The following HDAC4 variants were observed in gnomAD, a reference collection of about 807,000 sequenced individuals.
HDAC4 encodes the protein histone deacetylase A.
HDAC4 carries 16 observed loss-of-function variants against 135.1 expected under a neutral mutation model. The observed-to-expected ratio is 0.12, with a 90% CI of 0.08 to 0.18. The LOEUF (loss-of-function observed/expected upper bound fraction) is 0.18. Among genes scored for constraint, HDAC4 ranks in the 10% least tolerant of loss-of-function variants. The probability of loss-of-function intolerance (pLI) is 1.00; values close to 1 mark genes in which losing one functional copy is unlikely to be tolerated. For missense variants in HDAC4, 1,143 were observed against 1,511.8 expected, an observed-to-expected ratio of 0.76 and a Z score of 4.05; for synonymous variants, 685 against 653.4, an observed-to-expected ratio of 1.05 and a Z score of -0.74.
chr2:239,175,494 C>G (rs958531527), intron 5 of HDAC4, among the ~76,000 whole-genome samples: 2 of 152,218 alleles, frequency 1.3e-5, no homozygotes, highest in African/African-American at 4.8e-5. Context: ...AAGTGGGAAA[C>G]AGCAAATACA....
At chr2:239,067,105 C>A (rs888666315) in intron 23 of HDAC4, 10 of 562,076 alleles carry the variant, frequency 1.8e-5, no homozygotes, top group Admixed American at 3.1e-5. Context: ...CTTTAGGGGA[C>A]GAGGGCAGCC....
chr2:239,333,115 A>T (rs1691696615), intron 2 of HDAC4, among the ~76,000 whole-genome samples: 5 of 152,214 alleles, frequency 3.3e-5, no homozygotes. Context: ...AATCCATCCC[A>T]ACTTAAGAAA....
Position 239,115,045 on chromosome 2 carries a change from G to C in HDAC4, c.1791+8C>G. 6.2e-7 allele frequency: 1 copy of C among 1,609,106 alleles called. No homozygotes were observed. On this transcript the variant is annotated splice_region_variant and intron_variant, in intron 13 of 26. Coordinates refer to ENST00000543185, the MANE Select transcript of HDAC4 (RefSeq NM_001378414.1). This position sits in a 1 kb window ranked among gnomAD's most constrained non-coding sequence, Gnocchi z 6.3. The stretch of plus-strand genomic sequence containing the variant: ...CAGCCTTCTGGTGCCCTCCCCGCCT[G>C]CGGTCACCTGTCTGAAGAGCAGCTC...
At chr2:239,099,506 T>G (rs2037418810) in intron 16 of HDAC4, among the ~76,000 whole-genome samples, 1 of 151,980 alleles carries the variant, frequency 6.6e-6, no homozygotes, top group Non-Finnish European at 1.5e-5. Context: ...GAAGCTGAGG[T>G]GTTACATGGG....
In HDAC4 at chr2:239,163,978, C is replaced by T. The variant is rs13010577; in HGVS notation, c.491-55G>A. ...GAAGTGTGGCTCTGCCCTACAGCAG[C>T]AATGCAGGGCAGCGGGGCCACAGAG... On this transcript the variant is annotated intron_variant, in intron 5 of 26. Transcript: ENST00000543185. 0.56 allele frequency: 896,184 copies of T among 1,609,098 alleles called. 256,456 individuals carry two copies. The highest frequency in any genetic ancestry group is 0.72 in the South Asian group (65,487 of 90,842).
intron 2 of HDAC4, among the ~76,000 whole-genome samples, chr2:239,247,125 G>C (rs974332963): frequency 3.0e-4 from 46 of 152,350 alleles, no homozygotes; most frequent in African/African-American, 1.0e-3. Context: ...CTGGAGACTA[G>C]CTCTGCGGTC....
At chr2:239,234,916 C>T (rs964728083) in intron 3 of HDAC4, among the ~76,000 whole-genome samples, 7 of 152,186 alleles carry the variant, frequency 4.6e-5, no homozygotes, top group South Asian at 2.1e-4. Flanking sequence ...CCTCGTGCCA[C>T]GCCTGGTTAA....
At chr2:239,333,703 A>AT (rs1691734110) in intron 2 of HDAC4, among the ~76,000 whole-genome samples, 1 of 152,200 alleles carries the variant, frequency 6.6e-6, no homozygotes, top group Non-Finnish European at 1.5e-5. Flanking sequence ...TGAAAATACC[A>AT]TTTTTTGTAG....
At chr2:239,083,065 A>T (rs1332223890) in intron 20 of HDAC4, among the ~76,000 whole-genome samples, 3 of 152,256 alleles carry the variant, frequency 2.0e-5, no homozygotes, top group African/African-American at 7.2e-5. Flanking sequence ...TCCACCCCAC[A>T]GAGTAGGTAA....
intron 11 of HDAC4, among the ~76,000 whole-genome samples, chr2:239,128,816 G>C (rs1262618912): frequency 1.3e-5 from 2 of 152,192 alleles, no homozygotes; most frequent in African/African-American, 2.4e-5. Flanking sequence ...CTGACCCTCT[G>C]CAGAGGAGAA....
chr2:239,177,594 C>A (rs1003704130), intron 4 of HDAC4, among the ~76,000 whole-genome samples: 41 of 152,302 alleles, frequency 2.7e-4, no homozygotes, highest in African/African-American at 9.9e-4. Context: ...CCCTTAAGGG[C>A]TGGCATTCTA....
rs548138092 is a variant in HDAC4, at chr2:239,123,663, C to T, written c.1533+2793G>A. ...ACGCAATCAAAGCCTTTGACCACTG[C>T]GCCAGGGCTGAGCTGACTCCTCTTC... On this transcript the variant is annotated intron_variant, in intron 12 of 26. Coordinates refer to ENST00000543185, the MANE Select transcript of HDAC4 (RefSeq NM_001378414.1). Among the ~76,000 whole-genome samples, 9 of 152,322 alleles carry T rather than the reference C, an allele frequency of 5.9e-5. No individual in the cohort carries two copies. The East Asian group carries it at 7.7e-4, about 13-fold the overall frequency.
intron 6 of HDAC4, chr2:239,161,782 A>C (rs1490132777): frequency 1.2e-5 from 5 of 426,130 alleles, no homozygotes; most frequent in Admixed American, 7.9e-5. Flanking sequence ...GTTCCAGGAA[A>C]AGTCAGTCCT....
At chr2:239,074,763 C>T (rs372175665) in intron 22 of HDAC4, among the ~76,000 whole-genome samples, 8 of 152,186 alleles carry the variant, frequency 5.3e-5, no homozygotes, top group African/African-American at 1.7e-4. Flanking sequence ...ACTTCTTTGC[C>T]TGTAAAAAGG....
chr2:239,054,703 AC>A lies in HDAC4; in HGVS notation c.3088+45del, dbSNP rs759421353. 1.3e-5 allele frequency: 16 copies of A among 1,247,246 alleles called. No homozygotes were observed. In the African/African-American group the frequency reaches 1.9e-4, roughly 15 times the overall value. The allele number at this position is 1,247,246 out of a possible 1,614,324, so 77.3% of individuals were successfully genotyped here. A position where few individuals can be genotyped will look rare whatever the true frequency, so the allele number is the denominator to read the frequency against. ...CAGGGATGGGGTGTGGTGCAGTCCC[AC>A]CCCCAGGGGCGTGTCCCCTGTGAGC... is the stretch of plus-strand genomic sequence containing the variant. On this transcript the variant is annotated intron_variant, in intron 25 of 26. Transcript: ENST00000543185.
At chr2:239,228,890 C>T (rs1312775371) in intron 3 of HDAC4, among the ~76,000 whole-genome samples, 1 of 152,122 alleles carries the variant, frequency 6.6e-6, no homozygotes, top group Non-Finnish European at 1.5e-5. Context: ...ACCTGTAATC[C>T]CAGCACTTTG....
intron 2 of HDAC4, among the ~76,000 whole-genome samples, chr2:239,317,529 A>G (rs1002127624): frequency 2.6e-5 from 4 of 152,212 alleles, no homozygotes; most frequent in African/African-American, 4.8e-5. Flanking sequence ...GACCTGCCAG[A>G]AACGCCAGCA....
intron 2 of HDAC4, among the ~76,000 whole-genome samples, chr2:239,329,482 CT>C (rs1204379182): frequency 6.6e-6 from 1 of 152,178 alleles, no homozygotes; most frequent in Non-Finnish European, 1.5e-5. Flanking sequence ...TCCTCTCCAG[CT>C]TTCTGCACAC....
intron 2 of HDAC4, among the ~76,000 whole-genome samples, chr2:239,326,751 T>C (rs1376182206): frequency 6.6e-6 from 1 of 152,218 alleles, no homozygotes; most frequent in African/African-American, 2.4e-5. Context: ...TTAAACTCTC[T>C]ATGATTTGCT....
Sources: allele counts gnomAD v4.1 joint callset (sites outside exome capture counted in the v4.1 genomes callset), GRCh38; gene constraint gnomAD v4.1.1; non-coding constraint Gnocchi (gnomAD v3.1); transcripts MANE v1.5; gene names NCBI Gene and HGNC (gene_info 2026-07-23, HGNC 2026-07-21).